The following PUS7 variants were observed in gnomAD, a reference collection of about 807,000 sequenced individuals.
PUS7 encodes the protein pseudouridylate synthase 7 homolog.
PUS7 carries 48 observed loss-of-function variants against 79.8 expected under a neutral mutation model. The observed-to-expected ratio is 0.60, with a 90% CI of 0.48 to 0.76. PUS7 has a LOEUF of 0.76. Among genes scored for constraint, PUS7 ranks in the 30% least tolerant of loss-of-function variants. The probability of loss-of-function intolerance (pLI) is 0.00; values close to 1 mark genes in which losing one functional copy is unlikely to be tolerated. For missense variants in PUS7, 729 were observed against 797.6 expected, an observed-to-expected ratio of 0.91 and a Z score of 1.04; for synonymous variants, 286 against 272.2, an observed-to-expected ratio of 1.05 and a Z score of -0.50.
At chr7:105,498,864 T>G (rs1015434566) in intron 5 of PUS7, among the ~76,000 whole-genome samples, 1 of 152,202 alleles carries the variant, frequency 6.6e-6, no homozygotes, top group African/African-American at 2.4e-5. Flanking sequence ...AGGCCTCAAG[T>G]GATCTGCCCG....
intron 14 of PUS7, among the ~76,000 whole-genome samples, chr7:105,460,859 A>AAC (rs1361318685): frequency 6.6e-6 from 1 of 150,870 alleles, no homozygotes; most frequent in Non-Finnish European, 1.5e-5. Flanking sequence ...GTCTCAAAAA[A>AAC]AAAAAAAAAA....
Position 105,465,324 on chromosome 7 carries a change from G to A in PUS7, c.1616C>T (p.Pro539Leu). ...MPLPGFDVIY[P>L]KHKIQEAYRE... ...TACAGGGAACTTACTTTTATGCTTTGGGTAGATAACATCGAAACCAGGCAA... is the reference window on the plus strand; with the variant it reads ...TACAGGGAACTTACTTTTATGCTTTAGGTAGATAACATCGAAACCAGGCAA... The change falls in exon 13 of 16, where the codon CCA (proline) becomes CTA (leucine). Residue 539 changes from proline (P) to leucine (L), a missense_variant. Pro to Leu is a moderately conservative substitution (Grantham distance 98, BLOSUM62 -3). Coordinates refer to ENST00000469408, the MANE Select transcript of PUS7 (RefSeq NM_019042.5). 1 of 1,607,358 alleles carries A rather than the reference G, an allele frequency of 6.2e-7. No individual in the cohort carries two copies. The highest frequency in any genetic ancestry group is 8.5e-7 in the Non-Finnish European group (1 of 1,174,202).
chr7:105,461,304 C>A (rs1358142445), intron 14 of PUS7, among the ~76,000 whole-genome samples: 1 of 152,206 alleles, frequency 6.6e-6, no homozygotes, highest in East Asian at 1.9e-4. Context: ...TCACTCTACA[C>A]ATTTCTTCAA....
At chr7:105,468,905 T>A (rs1038173366) in intron 11 of PUS7, among the ~76,000 whole-genome samples, 6 of 152,014 alleles carry the variant, frequency 3.9e-5, no homozygotes, top group Admixed American at 2.0e-4. Context: ...TATTTACTTT[T>A]ATGTATTTAT....
intron 6 of PUS7, among the ~76,000 whole-genome samples, chr7:105,493,121 T>C (rs1370189157): frequency 6.6e-6 from 1 of 152,246 alleles, no homozygotes; most frequent in African/African-American, 2.4e-5. Context: ...AGAGATATAA[T>C]GTACCACTAT....
At chr7:105,501,969 AAT>A (rs4006346) in intron 5 of PUS7, among the ~76,000 whole-genome samples, 1,131 of 73,456 alleles carry the variant, frequency 0.015, 37 homozygotes, top group East Asian at 0.11. Context: ...AAAAAAAAAA[AAT>A]ATATATATAT....
chr7:105,483,775 C>T (rs992621501), intron 7 of PUS7, among the ~76,000 whole-genome samples: 3 of 152,164 alleles, frequency 2.0e-5, no homozygotes, highest in Non-Finnish European at 2.9e-5. Context: ...GGATTACAGC[C>T]ATGAGCCAGT....
At chr7:105,512,151 A>C (rs1825729731) in intron 1 of PUS7, among the ~76,000 whole-genome samples, 1 of 115,758 alleles carries the variant, frequency 8.6e-6, no homozygotes, top group Non-Finnish European at 1.7e-5. Flanking sequence ...TCTCAAAAAA[A>C]AAAAAAAAAA....
At chr7:105,482,975 C>CT (rs1012806335) in intron 7 of PUS7, among the ~76,000 whole-genome samples, 5 of 151,956 alleles carry the variant, frequency 3.3e-5, no homozygotes, top group Admixed American at 2.0e-4. Flanking sequence ...TCCTCCCTTT[C>CT]TTTTTTTAAA....
chr7:105,459,829 T>C (rs546521301), intron 14 of PUS7, among the ~76,000 whole-genome samples: 11 of 152,120 alleles, frequency 7.2e-5, no homozygotes, highest in Non-Finnish European at 1.6e-4. Context: ...TCCCAACACT[T>C]TGGGCGGCCG....
At chr7:105,488,313 T>C (rs952670948) in intron 7 of PUS7, among the ~76,000 whole-genome samples, 7 of 152,224 alleles carry the variant, frequency 4.6e-5, no homozygotes, top group African/African-American at 1.7e-4. Context: ...GTCCCCATCA[T>C]AACACCATGC....
At chr7:105,470,965 G>T in intron 10 of PUS7, 117 bp from the exon 11 acceptor site, 2 of 1,108,176 alleles carry the variant, frequency 1.8e-6, no homozygotes, top group Non-Finnish European at 1.2e-6. Context: ...TATAGGTGCT[G>T]TTTATAGCTA....
chr7:105,504,117 T>A (rs1035771327), intron 4 of PUS7, among the ~76,000 whole-genome samples: 1 of 148,114 alleles, frequency 6.8e-6, no homozygotes, highest in African/African-American at 2.5e-5. Context: ...TTGCCCAGGC[T>A]GGAGTGCAAT....
At chr7:105,473,337 C>T (rs116618330) in intron 9 of PUS7, among the ~76,000 whole-genome samples, 1,633 of 152,124 alleles carry the variant, frequency 0.011, 27 homozygotes, top group African/African-American at 0.037. Flanking sequence ...GCAACCTCTG[C>T]CTCTTGGGCT....
At chr7:105,466,202 G>C (rs1015650796) in intron 12 of PUS7, among the ~76,000 whole-genome samples, 3 of 151,882 alleles carry the variant, frequency 2.0e-5, no homozygotes, top group African/African-American at 7.3e-5. Flanking sequence ...ATATCCTTCT[G>C]TCTTTTCTAC....
At position 105,468,412 on chromosome 7, in the gene PUS7, A is replaced by C; in HGVS notation, c.1450T>G (p.Trp484Gly). 6.2e-7 allele frequency: 1 copy of C among 1,613,154 alleles called. No homozygotes were observed. The highest frequency in any genetic ancestry group is 8.5e-7 in the Non-Finnish European group (1 of 1,179,316). Residue 484 changes from tryptophan to glycine, a missense_variant, in exon 12 of 16, where the codon TGG (tryptophan) becomes GGG (glycine). Physicochemically the swap from Trp to Gly is radical, Grantham distance 184. Transcript: ENST00000469408. ...MYIHSYQSYV[W>G]NNMVSKRIED... is the part of the protein sequence containing the mutation. ...ATCCTCTTGCTTACCATGTTATTCC[A>C]CACATAGCTTTGGTAGCTATGAATA...
chr7:105,456,911 C>T lies in PUS7; in HGVS notation c.*879G>A, dbSNP rs2133000553. On this transcript the variant is annotated 3_prime_UTR_variant, in exon 16 of 16. Coordinates refer to ENST00000469408, the MANE Select transcript of PUS7 (RefSeq NM_019042.5). ...AAAAAAAAACCCGGCCAGCACAGCTCATGCCTGTAATCCCAGGAGTTAGCC... is the reference window on the plus strand; with the variant it reads ...AAAAAAAAACCCGGCCAGCACAGCTTATGCCTGTAATCCCAGGAGTTAGCC... 1 of 152,242 alleles carries T rather than the reference C, an allele frequency of 6.6e-6. No homozygotes were observed. Among genetic ancestry groups the T allele is most frequent in the East Asian group, 1.9e-4 (1 of 5,176 alleles). 9.4% of individuals were successfully genotyped at this position (152,242 alleles called of 1,614,324 possible).
chr7:105,503,453 C>T (rs55650695), intron 4 of PUS7, among the ~76,000 whole-genome samples: 23,013 of 152,106 alleles, frequency 0.15, 1,765 homozygotes, highest in South Asian at 0.18. Context: ...GATATAAACT[C>T]ACTAGTTACA....
Position 105,515,999 on chromosome 7 carries a change from C to T in PUS7, c.-33+6053G>A, listed in dbSNP as rs573440117. 6.6e-5 allele frequency among the ~76,000 whole-genome samples: 10 copies of T among 151,990 alleles called. No individual in the cohort carries two copies. The South Asian group carries it at 1.2e-3, about 19-fold the overall frequency. On this transcript the variant is annotated intron_variant, in intron 1 of 15. Coordinates refer to ENST00000469408, the MANE Select transcript of PUS7 (RefSeq NM_019042.5). ...TAATTTTTTGTATTTTTACTAGAGACGGGGTTTCACCATGTTGGTCAGGCT... is the reference window on the plus strand; with the variant it reads ...TAATTTTTTGTATTTTTACTAGAGATGGGGTTTCACCATGTTGGTCAGGCT...
Sources: allele counts gnomAD v4.1 joint callset (sites outside exome capture counted in the v4.1 genomes callset), GRCh38; gene constraint gnomAD v4.1.1; transcripts MANE v1.5; gene names NCBI Gene and HGNC (gene_info 2026-07-23, HGNC 2026-07-21).